Variants in CPM observed in about 807,000 individuals in gnomAD.
The protein encoded by CPM is renal carboxypeptidase.
CPM carries 35 observed loss-of-function variants against 46.4 expected under a neutral mutation model. That is an observed-to-expected ratio of 0.75 (90% CI 0.58 to 1.00). The LOEUF is 1.00. Ranked by LOEUF, CPM falls within the 50% of genes least tolerant of loss-of-function variation. CPM has a pLI of 0.00. For missense variants in CPM, 422 were observed against 530.4 expected, an observed-to-expected ratio of 0.80 and a Z score of 2.01; for synonymous variants, 195 against 195.3, an observed-to-expected ratio of 1.00 and a Z score of 0.01.
chr12:68,887,540 G>C (rs1425655443), intron 2 of CPM, among the ~76,000 whole-genome samples: 1 of 152,196 alleles, frequency 6.6e-6, no homozygotes. Flanking sequence ...GGAGTTCTCA[G>C]AAAACACCCA....
At chr12:68,873,112 G>C (rs1885782800) in intron 3 of CPM, among the ~76,000 whole-genome samples, 1 of 152,222 alleles carries the variant, frequency 6.6e-6, no homozygotes, top group Non-Finnish European at 1.5e-5. Context: ...AGATGTTGTT[G>C]AGGGGTTAGT....
chr12:68,916,726 T>C (rs1205751602), intron 2 of CPM, among the ~76,000 whole-genome samples: 1 of 151,910 alleles, frequency 6.6e-6, no homozygotes, highest in African/African-American at 2.4e-5. Context: ...CCATCTCTAC[T>C]ATAAATACAA....
At chr12:68,926,752 C>T (rs1445375837) in intron 2 of CPM, among the ~76,000 whole-genome samples, 1 of 152,004 alleles carries the variant, frequency 6.6e-6, no homozygotes, top group Non-Finnish European at 1.5e-5. Flanking sequence ...GTGATGTTCC[C>T]CTTCCTGTGT....
intron 2 of CPM, among the ~76,000 whole-genome samples, chr12:68,907,552 A>G (rs1887404301): frequency 6.6e-6 from 1 of 152,166 alleles, no homozygotes; most frequent in Admixed American, 6.5e-5. Flanking sequence ...TGCAACACAG[A>G]CACTAAAGGG....
chr12:68,910,780 TG>T (rs1887563383), intron 2 of CPM, among the ~76,000 whole-genome samples: 1 of 152,136 alleles, frequency 6.6e-6, no homozygotes, highest in Admixed American at 6.5e-5. Flanking sequence ...ACAAATACAA[TG>T]CTGTATATCC....
Position 68,856,194 on chromosome 12 carries a change from G to T in CPM, c.*243C>A. On this transcript the variant is annotated 3_prime_UTR_variant, in exon 9 of 9. Coordinates refer to ENST00000551568, the MANE Select transcript of CPM (RefSeq NM_198320.5). ...TTTAAGACTACTTCAAGATTAATTT[G>T]AGTGTAAATGAGCAGTACTTGTTAG... is the stretch of plus-strand genomic sequence containing the variant. The T allele has an allele frequency of 2.2e-6, 1 of 448,192 alleles. No homozygotes were observed. Among genetic ancestry groups the T allele is most frequent in the Admixed American group, 3.7e-5 (1 of 26,706 alleles). The allele number at this position is 448,192 out of a possible 1,614,324, so 27.8% of individuals were successfully genotyped here.
intron 8 of CPM, among the ~76,000 whole-genome samples, chr12:68,858,155 T>C (rs1345852181): frequency 1.3e-5 from 2 of 152,198 alleles, no homozygotes; most frequent in African/African-American, 4.8e-5. Context: ...ACAGAAGAGA[T>C]GACTACCTTC....
intron 1 of CPM, 86 bp from the exon 2 acceptor site, chr12:68,932,926 C>T (rs2136324999): frequency 7.8e-7 from 1 of 1,276,232 alleles, no homozygotes; most frequent in East Asian, 2.3e-5. Context: ...ACTCCGGTCT[C>T]AGGGTCTCCC....
intron 2 of CPM, among the ~76,000 whole-genome samples, chr12:68,931,693 C>CCGAGATCA (rs113513293): frequency 0.016 from 2,287 of 142,618 alleles, 84 homozygotes; most frequent in African/African-American, 0.058. Context: ...TTGCAGTGAG[C>CCGAGATCA]CGAGATCACG....
chr12:68,919,743 T>A (rs903575234), intron 2 of CPM, among the ~76,000 whole-genome samples: 28 of 152,238 alleles, frequency 1.8e-4, no homozygotes, highest in African/African-American at 6.3e-4. Flanking sequence ...CAGTAACACA[T>A]GACAAACCAG....
intron 3 of CPM, among the ~76,000 whole-genome samples, chr12:68,879,154 T>G (rs1886083241): frequency 1.3e-5 from 2 of 152,152 alleles, no homozygotes; most frequent in African/African-American, 4.8e-5. Context: ...CACCAATGCA[T>G]TCTAGCCTGC....
chr12:68,932,261 A>G (rs1411113850), intron 2 of CPM, among the ~76,000 whole-genome samples: 1 of 152,242 alleles, frequency 6.6e-6, no homozygotes, highest in African/African-American at 2.4e-5. Context: ...GCATTATTTC[A>G]GTTTAAAAGA....
At chr12:68,887,944 A>C (rs544102286) in intron 2 of CPM, among the ~76,000 whole-genome samples, 2 of 152,204 alleles carry the variant, frequency 1.3e-5, no homozygotes, top group Non-Finnish European at 2.9e-5. Context: ...GAAGCATTTG[A>C]TTAACCAATT....
chr12:68,863,434 C>T (rs904435215), intron 7 of CPM, among the ~76,000 whole-genome samples: 1 of 152,102 alleles, frequency 6.6e-6, no homozygotes, highest in Non-Finnish European at 1.5e-5. Flanking sequence ...TTAATGTCTG[C>T]CGACACCCTC....
At chr12:68,914,643 T>C (rs1887733448) in intron 2 of CPM, among the ~76,000 whole-genome samples, 1 of 152,248 alleles carries the variant, frequency 6.6e-6, no homozygotes, top group Non-Finnish European at 1.5e-5. Context: ...GAACAATTAA[T>C]GTTTGTCAGT....
chr12:68,908,770 C>T lies in CPM; in HGVS notation c.161-22881G>A, dbSNP rs73340453. Among the ~76,000 whole-genome samples, 874 of 152,038 alleles carry T rather than the reference C, an allele frequency of 5.7e-3. 6 individuals are homozygous for T. Among genetic ancestry groups the T allele is most frequent in the African/African-American group, 0.019 (772 of 41,462 alleles). On this transcript the variant is annotated intron_variant, in intron 2 of 8. Transcript: ENST00000551568. ...ATAAAAGCATAAAGAAAAGGACTGA[C>T]GAATACGATCTCATAAAAATTAAAA... is the stretch of plus-strand genomic sequence containing the variant.
intron 7 of CPM, among the ~76,000 whole-genome samples, chr12:68,859,923 G>A (rs753406577): frequency 2.6e-5 from 4 of 152,046 alleles, no homozygotes; most frequent in Non-Finnish European, 4.4e-5. Flanking sequence ...TTACCTTAAG[G>A]TGAAGCTGCC....
intron 2 of CPM, among the ~76,000 whole-genome samples, chr12:68,891,772 T>C (rs971380851): frequency 3.3e-5 from 5 of 152,144 alleles, no homozygotes; most frequent in Non-Finnish European, 7.4e-5. Flanking sequence ...TTTGTTGTTT[T>C]GTCCCCCAGG....
At chr12:68,901,640 A>C (rs891601582) in intron 2 of CPM, among the ~76,000 whole-genome samples, 1 of 152,234 alleles carries the variant, frequency 6.6e-6, no homozygotes, top group Admixed American at 6.5e-5. Flanking sequence ...TCAGTCATTA[A>C]TCTAGCAAAG....
Sources: gnomAD v4.1 joint callset for allele counts (sites outside exome capture counted in the v4.1 genomes callset) on GRCh38, gnomAD v4.1.1 for gene constraint, MANE v1.5 for transcripts, NCBI Gene and HGNC (gene_info 2026-07-23, HGNC 2026-07-21) for gene names.